Variants in CFAP74 observed in about 807,000 individuals in gnomAD.
CFAP74 encodes the protein cilia and flagella associated protein 74.
CFAP74 carries 124 observed loss-of-function variants against 188.9 expected under a neutral mutation model. The observed-to-expected ratio is 0.66, with a 90% CI of 0.57 to 0.76. The LOEUF is 0.76. Ranked by LOEUF, CFAP74 falls within the 30% of genes least tolerant of loss-of-function variation. The pLI, the probability that CFAP74 is intolerant of heterozygous loss-of-function variation, is 0.00. For synonymous variants in CFAP74, 956 were observed against 916.7 expected, an observed-to-expected ratio of 1.04 and a Z score of -0.77; for missense variants, 2,198 against 2,165.2, an observed-to-expected ratio of 1.02 and a Z score of -0.30.
intron 25 of CFAP74, among the ~76,000 whole-genome samples, chr1:1,935,865 AC>A (rs1474102573): frequency 7.0e-6 from 1 of 143,470 alleles, no homozygotes; most frequent in Non-Finnish European, 1.5e-5. Flanking sequence ...TTTTTTCAGC[AC>A]TACACACACA....
Position 1,932,066 on chromosome 1 carries a change from CAAA to C in CFAP74, c.3012-1733_3012-1731del, listed in dbSNP as rs1214190743. Reference sequence around the variant, plus strand: ...GGGTGACAGAGTGAGACTCTCGCCTCAAAAAAAAAAAAACAAAAAACAAAAAAC... The same window carrying C: ...GGGTGACAGAGTGAGACTCTCGCCTCAAAAAAAAAACAAAAAACAAAAAAC... On this transcript the variant is annotated intron_variant, in intron 25 of 38. Coordinates refer to ENST00000682832, the MANE Select transcript of CFAP74 (RefSeq NM_001304360.2). 6.1e-5 allele frequency among the ~76,000 whole-genome samples: 3 copies of C among 49,428 alleles called. 1 individual carries two copies. The highest frequency in any genetic ancestry group is 4.9e-4 in the Admixed American group (2 of 4,118). 32.4% of individuals were successfully genotyped at this position (49,428 alleles called of 152,430 possible). A position where few individuals can be genotyped will look rare whatever the true frequency, so the allele number is the denominator to read the frequency against.
chr1:1,985,215 G>C, intron 6 of CFAP74, 171 bp downstream of exon 6: 1 of 562,528 alleles, frequency 1.8e-6, no homozygotes, highest in South Asian at 2.4e-5. Flanking sequence ...AAAAGGCAAC[G>C]TGAAGACTAA....
intron 9 of CFAP74, among the ~76,000 whole-genome samples, chr1:1,971,087 A>G (rs1446512560): frequency 6.8e-6 from 1 of 148,050 alleles, no homozygotes; most frequent in Non-Finnish European, 1.5e-5. Context: ...ACACACTCAT[A>G]CATGCACACC....
chr1:1,948,037 T>A (rs28635329), intron 18 of CFAP74, among the ~76,000 whole-genome samples: 23,987 of 152,114 alleles, frequency 0.16, 2,075 homozygotes, highest in Middle Eastern at 0.21. Context: ...CATGCCTGGC[T>A]AATTTTTGTA....
At chr1:1,982,925 AG>A (rs1289114166) in intron 6 of CFAP74, among the ~76,000 whole-genome samples, 1 of 152,246 alleles carries the variant, frequency 6.6e-6, no homozygotes, top group Non-Finnish European at 1.5e-5. Flanking sequence ...CTGACGGTTA[AG>A]GGTCTGGGTC....
At chr1:1,940,001 T>C (rs958756068) in intron 23 of CFAP74, among the ~76,000 whole-genome samples, 6 of 152,164 alleles carry the variant, frequency 3.9e-5, no homozygotes, top group African/African-American at 1.4e-4. Flanking sequence ...GTGGGGTGCA[T>C]GTGTCTCTGT....
chr1:1,950,926 A>G (rs748474463), intron 18 of CFAP74, among the ~76,000 whole-genome samples: 73 of 152,128 alleles, frequency 4.8e-4, no homozygotes, highest in African/African-American at 1.3e-3. Context: ...TCGGGGGGGA[A>G]TTTTATATTT....
At chr1:1,926,860 G>T in intron 29 of CFAP74, 34 bp downstream of exon 29, 1 of 1,549,532 alleles carries the variant, frequency 6.5e-7, no homozygotes, top group South Asian at 1.2e-5. Flanking sequence ...GTTTGCGGCT[G>T]ACCACACCCT....
intron 20 of CFAP74, among the ~76,000 whole-genome samples, chr1:1,945,240 G>C (rs927793736): frequency 6.6e-6 from 1 of 152,172 alleles, no homozygotes; most frequent in African/African-American, 2.4e-5. Flanking sequence ...CCGGGAGGCA[G>C]AGGTTGCAGT....
intron 1 of CFAP74, among the ~76,000 whole-genome samples, chr1:1,992,049 A>AAAAAAAAAAG (rs1657616868): frequency 6.6e-6 from 1 of 152,082 alleles, no homozygotes; most frequent in African/African-American, 2.4e-5. Flanking sequence ...CAAAAAAAAA[A>AAAAAAAAAAG]AAATGCCTGA....
chr1:2,000,328 G>A (rs537477851), intron 1 of CFAP74, among the ~76,000 whole-genome samples: 7 of 152,322 alleles, frequency 4.6e-5, no homozygotes, highest in East Asian at 1.9e-4. Flanking sequence ...AGTTAAGGAC[G>A]TGCCACGTCC....
chr1:1,948,891 C>CTCCTTCCCTTCCTTCCTTCCCTTTCCT (rs1653971233), intron 18 of CFAP74, among the ~76,000 whole-genome samples: 1 of 65,342 alleles, frequency 1.5e-5, no homozygotes, highest in Non-Finnish European at 3.4e-5. Context: ...CCTTCCTTCC[C>CTCCTTCCCTTCCTTCCTTCCCTTTCCT]TCCCTCCTTC....
At chr1:1,939,081 T>A in intron 24 of CFAP74, 93 bp from the exon 25 acceptor site, 1 of 1,279,512 alleles carries the variant, frequency 7.8e-7, no homozygotes, top group Non-Finnish European at 1.1e-6. Context: ...AAGAGATGAG[T>A]GTGATCGTGT....
rs576780526 is a variant in CFAP74 at position 1,955,053 on chromosome 1, C to T, written c.2176+638G>A. 372 of 1,262,966 alleles carry T rather than the reference C, an allele frequency of 2.9e-4. 1 individual carries two copies. Among genetic ancestry groups the T allele is most frequent in the Middle Eastern group, 2.4e-3 (7 of 2,924 alleles). 78.2% of individuals were successfully genotyped at this position (1,262,966 alleles called of 1,614,324 possible). A position where few individuals can be genotyped will look rare whatever the true frequency, so the allele number is the denominator to read the frequency against. On this transcript the variant is annotated intron_variant, in intron 18 of 38. Transcript: ENST00000682832. ...GCTCACACCGGAAGTGCGGCTCACA[C>T]CGGAAGTGCGGCTCACACCGGAAGT...
chr1:1,949,487 T>C (rs1318681239), intron 18 of CFAP74, among the ~76,000 whole-genome samples: 1 of 143,190 alleles, frequency 7.0e-6, no homozygotes, highest in Non-Finnish European at 1.5e-5. Flanking sequence ...TCTGTGTGAG[T>C]GATTTTTTTT....
Position 1,938,083 on chromosome 1 carries a change from ACT to A in CFAP74, c.3011+770_3011+771del, listed in dbSNP as rs1314554880. ...AACCTTACACACCCAACACACACGC[ACT>A]CACACTCAACCTTACACACCCACAT... On this transcript the variant is annotated intron_variant, in intron 25 of 38. Coordinates refer to ENST00000682832, the MANE Select transcript of CFAP74 (RefSeq NM_001304360.2). 3.5e-5 allele frequency among the ~76,000 whole-genome samples: 5 copies of A among 144,728 alleles called. No individual in the cohort carries two copies. The East Asian group carries it at 1.0e-3, about 30-fold the overall frequency. 94.9% of individuals were successfully genotyped at this position (144,728 alleles called of 152,430 possible).
chr1:1,999,237 G>C (rs188787680), intron 1 of CFAP74, among the ~76,000 whole-genome samples: 1 of 152,316 alleles, frequency 6.6e-6, no homozygotes, highest in East Asian at 1.9e-4. Context: ...ACAGATCAGA[G>C]AGGCCAGAAA....
At chr1:1,966,979 G>A (rs778128354) in intron 11 of CFAP74, among the ~76,000 whole-genome samples, 4 of 152,074 alleles carry the variant, frequency 2.6e-5, no homozygotes, top group Non-Finnish European at 5.9e-5. Flanking sequence ...TGGGATTGCA[G>A]GCGCCCGCCA....
rs919843754 is a variant in CFAP74 at position 1,964,388 on chromosome 1, G to A, written c.1575+500C>T. Among the ~76,000 whole-genome samples, 10 of 152,352 alleles carry A rather than the reference G, an allele frequency of 6.6e-5. No homozygotes were observed. In the South Asian group the frequency reaches 1.9e-3, roughly 28 times the overall value. On this transcript the variant is annotated intron_variant, in intron 13 of 38. Coordinates refer to ENST00000682832, the MANE Select transcript of CFAP74 (RefSeq NM_001304360.2). ...CGGCACCCCCATTGCTCAGACTGGC[G>A]TCCAGCCCTCCATGGGGATGGGGCC...
Sources: gnomAD v4.1 joint callset for allele counts (sites outside exome capture counted in the v4.1 genomes callset) on GRCh38, gnomAD v4.1.1 for gene constraint, MANE v1.5 for transcripts, NCBI Gene and HGNC (gene_info 2026-07-23, HGNC 2026-07-21) for gene names.